The following MDGA2 variants were observed in gnomAD, a reference collection of about 807,000 sequenced individuals.
MDGA2 encodes the protein MAM domain containing glycosylphosphatidylinositol anchor 2.
MDGA2 carries 40 observed loss-of-function variants against 117.8 expected under a neutral mutation model. The observed-to-expected ratio is 0.34, with a 90% CI of 0.26 to 0.44. MDGA2 has a LOEUF of 0.44. Among genes scored for constraint, MDGA2 ranks in the 20% least tolerant of loss-of-function variants. MDGA2 has a pLI of 1.00. For synonymous variants in MDGA2, 452 were observed against 439.0 expected (o/e 1.03, Z -0.37); for missense variants, 1,123 against 1,250.6 (o/e 0.90, Z 1.54).
intron 1 of MDGA2, among the ~76,000 whole-genome samples, chr14:47,322,045 C>T (rs1449216275): frequency 3.9e-5 from 6 of 152,018 alleles, no homozygotes; most frequent in South Asian, 2.1e-4. Flanking sequence ...CAACTTCAAA[C>T]GTAAGAGGAA....
rs909379914 is a variant in MDGA2 at position 47,241,475 on chromosome 14, T to C, written c.421-23280A>G. Among the ~76,000 whole-genome samples, 3 of 151,944 alleles carry C rather than the reference T, an allele frequency of 2.0e-5. No individual in the cohort carries two copies. The East Asian group carries it at 5.8e-4, about 29-fold the overall frequency. On this transcript the variant is annotated intron_variant, in intron 2 of 16. Transcript: ENST00000399232. ...AGAAATTTAAAAATTATTGTGTTTG[T>C]TTTTTGTGTGTGTTTCTTTCCATTG...
chr14:46,880,818 A>T (rs1444376516), intron 11 of MDGA2, among the ~76,000 whole-genome samples: 1 of 151,010 alleles, frequency 6.6e-6, no homozygotes, highest in African/African-American at 2.4e-5. Flanking sequence ...AAAAAAAAAA[A>T]AAAAAAAAGA....
chr14:47,651,497 T>C (rs1017481464), intron 1 of MDGA2, among the ~76,000 whole-genome samples: 3 of 151,994 alleles, frequency 2.0e-5, no homozygotes, highest in African/African-American at 7.3e-5. Context: ...GTGAGAATGA[T>C]AGTAGAGGTT....
intron 6 of MDGA2, among the ~76,000 whole-genome samples, chr14:47,077,837 TA>T (rs957421060): frequency 1.6e-4 from 25 of 151,922 alleles, no homozygotes; most frequent in African/African-American, 4.6e-4. Context: ...TCTTGCAGAT[TA>T]AAAAAAAGTT....
chr14:47,315,884 G>A, intron 1 of MDGA2, among the ~76,000 whole-genome samples: 1 of 145,574 alleles, frequency 6.9e-6, no homozygotes, highest in Non-Finnish European at 1.5e-5. Context: ...TCTGCCACAA[G>A]TTTTTTTTTT....
intron 1 of MDGA2, among the ~76,000 whole-genome samples, chr14:47,432,256 G>C (rs529346867): frequency 2.4e-4 from 36 of 152,128 alleles, no homozygotes; most frequent in Non-Finnish European, 4.1e-4. Context: ...TTAATGTCCA[G>C]AGTTAAAAGA....
chr14:47,009,687 T>G (rs573439854), intron 8 of MDGA2, among the ~76,000 whole-genome samples: 1 of 152,212 alleles, frequency 6.6e-6, no homozygotes, highest in Non-Finnish European at 1.5e-5. Context: ...GCAGTGCATT[T>G]AATTTCCTCA....
intron 2 of MDGA2, among the ~76,000 whole-genome samples, chr14:47,265,470 A>T (rs1887935655): frequency 6.6e-6 from 1 of 152,120 alleles, no homozygotes; most frequent in African/African-American, 2.4e-5. Flanking sequence ...ATATCCATAT[A>T]AAAACATTCT....
intron 7 of MDGA2, chr14:47,059,064 A>T: frequency 9.9e-7 from 1 of 1,013,294 alleles, no homozygotes; most frequent in Non-Finnish European, 1.2e-6. Flanking sequence ...TCAGTAGGGA[A>T]TTACAATAAG....
At chr14:47,149,953 T>A (rs1883097136) in intron 3 of MDGA2, among the ~76,000 whole-genome samples, 1 of 152,234 alleles carries the variant, frequency 6.6e-6, no homozygotes, top group Admixed American at 6.5e-5. Context: ...ATTTAAAGCA[T>A]AATCTTTTTC....
chr14:46,864,603 CAAAAAA>C (rs61055938), intron 14 of MDGA2, among the ~76,000 whole-genome samples: 1 of 73,424 alleles, frequency 1.4e-5, no homozygotes, highest in Non-Finnish European at 2.6e-5. Context: ...AACCCTGTGT[CAAAAAA>C]AAAAAAAAAA....
chr14:46,959,277 G>A (rs1013667718), intron 8 of MDGA2, among the ~76,000 whole-genome samples: 2,008 of 145,536 alleles, frequency 0.014, 47 homozygotes, highest in African/African-American at 0.044. Flanking sequence ...GTGTGTGTGT[G>A]TGTGTGTGTG....
chr14:47,005,321 C>G (rs1887673102), intron 8 of MDGA2, among the ~76,000 whole-genome samples: 1 of 151,502 alleles, frequency 6.6e-6, no homozygotes, highest in African/African-American at 2.4e-5. Flanking sequence ...TCTCCAGGAA[C>G]TGTTGTTGGA....
At chr14:47,407,154 A>G (rs945268780) in intron 1 of MDGA2, among the ~76,000 whole-genome samples, 11 of 152,142 alleles carry the variant, frequency 7.2e-5, no homozygotes, top group African/African-American at 2.6e-4. Flanking sequence ...TGATTTCTCC[A>G]TTGTGCATTA....
intron 1 of MDGA2, among the ~76,000 whole-genome samples, chr14:47,375,149 G>A (rs1336854195): frequency 6.7e-6 from 1 of 150,354 alleles, no homozygotes; most frequent in South Asian, 2.1e-4. Flanking sequence ...TTCTTCAGAG[G>A]GTTCAACTAG....
At chr14:47,535,093 G>A (rs745463142) in intron 1 of MDGA2, among the ~76,000 whole-genome samples, 9 of 151,858 alleles carry the variant, frequency 5.9e-5, no homozygotes, top group African/African-American at 9.7e-5. Flanking sequence ...ATTTGTCAAC[G>A]TTAGGATTTC....
intron 11 of MDGA2, among the ~76,000 whole-genome samples, chr14:46,878,322 C>A (rs928711966): frequency 2.0e-5 from 3 of 151,944 alleles, no homozygotes; most frequent in Admixed American, 6.6e-5. Context: ...AGAAAATATT[C>A]CAATCTGGAT....
At chr14:47,301,966 T>C (rs149343389) in intron 1 of MDGA2, among the ~76,000 whole-genome samples, 237 of 152,272 alleles carry the variant, frequency 1.6e-3, no homozygotes, top group Non-Finnish European at 2.8e-3. Flanking sequence ...ACATTGACAT[T>C]TGTCTGTTAA....
chr14:47,601,394 T>A (rs1896644854), intron 1 of MDGA2, among the ~76,000 whole-genome samples: 1 of 151,922 alleles, frequency 6.6e-6, no homozygotes, highest in Admixed American at 6.6e-5. Context: ...TAGAAGCAAA[T>A]TTTTTTAAAA....
Sources: gnomAD v4.1 joint callset for allele counts (sites outside exome capture counted in the v4.1 genomes callset) on GRCh38, gnomAD v4.1.1 for gene constraint, MANE v1.5 for transcripts, NCBI Gene and HGNC (gene_info 2026-07-23, HGNC 2026-07-21) for gene names.